MEGF6: variants seen among roughly 807,000 people sequenced by gnomAD.
The protein encoded by MEGF6 is multiple EGF like domains 6.
MEGF6 carries 184 observed loss-of-function variants against 207.1 expected under a neutral mutation model. That is an observed-to-expected ratio of 0.89 (90% CI 0.79 to 1.00). The LOEUF is 1.00. MEGF6 is among the 50% of genes least tolerant of loss of function. The pLI is 0.00. For synonymous variants in MEGF6, 1,038 were observed against 910.0 expected (o/e 1.14, Z -2.53); for missense variants, 2,282 against 2,202.9 (o/e 1.04, Z -0.72).
rs747736359 is a variant in MEGF6, at chr1:3,498,715, C to A, written c.3206G>T (p.Gly1069Val). 8.9e-6 allele frequency: 14 copies of A among 1,568,128 alleles called. No homozygotes were observed. The highest frequency in any genetic ancestry group is 1.2e-5 in the Non-Finnish European group (14 of 1,159,656). Reference protein sequence around the residue: ...GHCACPEGWAGLACEKECLPR... With the variant: ...GHCACPEGWAVLACEKECLPR... ...GCGCTCACCCTTCTCACAGGCCAGGCCGGCCCAGCCCTCTGGGCACGCACA... is the reference window on the plus strand; with the variant it reads ...GCGCTCACCCTTCTCACAGGCCAGGACGGCCCAGCCCTCTGGGCACGCACA... The change falls in exon 25 of 37, where the codon GGC (glycine) becomes GTC (valine). Residue 1069 changes from glycine to valine, a missense_variant. By Grantham distance (109) the Gly-to-Val change is moderately radical. Transcript: ENST00000356575.
upstream of MEGF6, among the ~76,000 whole-genome samples, chr1:3,611,973 C>G (rs57902798): frequency 5.9e-5 from 9 of 151,954 alleles, no homozygotes; most frequent in South Asian, 1.9e-3. Context: ...GCCTCCCTCA[C>G]TTCTCAAGTC....
At chr1:3,526,850 G>A (rs745780872) in intron 4 of MEGF6, among the ~76,000 whole-genome samples, 2 of 152,306 alleles carry the variant, frequency 1.3e-5, no homozygotes, top group South Asian at 2.1e-4. Context: ...CGAGCATCTG[G>A]GGCCCTCTGG....
chr1:3,528,659 G>A (rs553772526), intron 4 of MEGF6, among the ~76,000 whole-genome samples: 28 of 152,254 alleles, frequency 1.8e-4, no homozygotes, highest in Non-Finnish European at 2.9e-4. Flanking sequence ...AGATGTGAGC[G>A]TGGAAGCAGA....
chr1:3,551,934 C>T (rs1040357565), intron 4 of MEGF6, among the ~76,000 whole-genome samples: 9 of 152,198 alleles, frequency 5.9e-5, no homozygotes, highest in Admixed American at 6.5e-5. Flanking sequence ...TGCCTCTGTT[C>T]GACCAAGCCT....
intron 10 of MEGF6, 41 bp from the exon 11 acceptor site, chr1:3,510,033 TG>T: frequency 6.4e-7 from 1 of 1,560,346 alleles, no homozygotes; most frequent in South Asian, 1.2e-5. Context: ...TGCTCCCAGG[TG>T]GGGAACCAGG....
At chr1:3,547,471 GC>G (rs1642751038) in intron 4 of MEGF6, among the ~76,000 whole-genome samples, 1 of 152,192 alleles carries the variant, frequency 6.6e-6, no homozygotes, top group African/African-American at 2.4e-5. Flanking sequence ...GAGATCGGCT[GC>G]CGTGTGTGTT....
intron 17 of MEGF6, among the ~76,000 whole-genome samples, chr1:3,504,747 G>A (rs1435966660): frequency 2.0e-5 from 3 of 152,136 alleles, no homozygotes; most frequent in Non-Finnish European, 4.4e-5. Context: ...GCATCCACGT[G>A]CAGGGGCCTG....
At chr1:3,581,674 C>G (rs957429374) in intron 3 of MEGF6, among the ~76,000 whole-genome samples, 3 of 152,188 alleles carry the variant, frequency 2.0e-5, no homozygotes, top group African/African-American at 7.2e-5. Context: ...TAGCCAAGAC[C>G]AATCACCCCC....
rs1640497832 is a variant in MEGF6 at position 3,494,131 on chromosome 1, G to A, written c.4130-7C>T. On this transcript the variant is annotated splice_polypyrimidine_tract_variant and splice_region_variant and intron_variant, in intron 32 of 36. Transcript: ENST00000356575. ...TGGAAGCCAGGGGGACAGGCTGAAG[G>A]ACGCCGGTTACCACGAGACAAGGGC... 1.3e-6 allele frequency: 2 copies of A among 1,547,808 alleles called. No individual in the cohort carries two copies. Among genetic ancestry groups the A allele is most frequent in the Non-Finnish European group, 1.7e-6 (2 of 1,147,366 alleles).
intron 2 of MEGF6, among the ~76,000 whole-genome samples, chr1:3,601,699 C>A (rs770729754): frequency 6.6e-6 from 1 of 152,220 alleles, no homozygotes; most frequent in African/African-American, 2.4e-5. Flanking sequence ...TATTGCTTAA[C>A]GGTTTTTTTC....
rs1267156086 is a variant in MEGF6 at position 3,498,592 on chromosome 1, T to C, written c.3224-93A>G. 6 of 1,484,022 alleles carry C rather than the reference T, an allele frequency of 4.0e-6. No homozygotes were observed. In the Admixed American group the frequency reaches 8.7e-5, roughly 22 times the overall value. The allele number at this position is 1,484,022 out of a possible 1,614,324, so 91.9% of individuals were successfully genotyped here. The stretch of plus-strand genomic sequence containing the variant: ...GCTTCCTGCACGCAGAGCTGAAGCC[T>C]ACACCCCAGGGCGCTGCCCCCTGAC... On this transcript the variant is annotated intron_variant, in intron 25 of 36. Coordinates refer to ENST00000356575, the MANE Select transcript of MEGF6 (RefSeq NM_001409.4).
chr1:3,564,936 C>T (rs1049165220), intron 4 of MEGF6, among the ~76,000 whole-genome samples: 1 of 152,150 alleles, frequency 6.6e-6, no homozygotes, highest in Admixed American at 6.5e-5. Context: ...TCCATGGCCC[C>T]GCTCCAGCCG....
chr1:3,502,052 G>C (rs57408931), intron 17 of MEGF6, 131 bp from the exon 18 acceptor site: 16 of 271,694 alleles, frequency 5.9e-5, no homozygotes, highest in East Asian at 5.4e-4. Context: ...TGCCCCCCCG[G>C]CGCCTCCTCA....
upstream of MEGF6, among the ~76,000 whole-genome samples, chr1:3,614,581 T>C (rs1644363101): frequency 6.6e-6 from 1 of 152,236 alleles, no homozygotes; most frequent in African/African-American, 2.4e-5. Flanking sequence ...GTCTGTAGTT[T>C]TGGTTTTAAT....
intron 5 of MEGF6, among the ~76,000 whole-genome samples, chr1:3,517,223 T>G (rs1641575362): frequency 6.6e-6 from 1 of 152,184 alleles, no homozygotes; most frequent in Non-Finnish European, 1.5e-5. Flanking sequence ...GCAGGGAAGC[T>G]GGGCCGTCAG....
At chr1:3,596,688 C>T (rs1369187481) in intron 2 of MEGF6, among the ~76,000 whole-genome samples, 1 of 144,790 alleles carries the variant, frequency 6.9e-6, no homozygotes, top group Non-Finnish European at 1.5e-5. Context: ...GACCCTGTCT[C>T]CACCCCAGGG....
upstream of MEGF6, among the ~76,000 whole-genome samples, chr1:3,614,164 G>A (rs759282199): frequency 6.6e-6 from 1 of 152,190 alleles, no homozygotes; most frequent in Non-Finnish European, 1.5e-5. Context: ...CTCATTCTCA[G>A]GCACAGCAGG....
chr1:3,581,779 C>T (rs74781014), intron 3 of MEGF6, among the ~76,000 whole-genome samples: 164 of 152,214 alleles, frequency 1.1e-3, no homozygotes, highest in South Asian at 3.3e-3. Flanking sequence ...GCCCAGATCT[C>T]GGAGCCTGGG....
chr1:3,522,365 G>C (rs1424324514), intron 5 of MEGF6, among the ~76,000 whole-genome samples: 2 of 152,174 alleles, frequency 1.3e-5, no homozygotes, highest in Non-Finnish European at 2.9e-5. Flanking sequence ...GCGACACCCT[G>C]AGGGGGTGAC....
Sources: allele counts gnomAD v4.1 joint callset (sites outside exome capture counted in the v4.1 genomes callset), GRCh38; gene constraint gnomAD v4.1.1; transcripts MANE v1.5; gene names NCBI Gene and HGNC (gene_info 2026-07-23, HGNC 2026-07-21).